Variants in FAF1 observed in about 807,000 individuals in gnomAD.
FAF1 encodes Fas associated factor 1.
Under a neutral mutation model 92.5 loss-of-function variants are expected in FAF1, and 25 were observed. The observed-to-expected ratio is 0.27, with a 90% CI of 0.20 to 0.38. The LOEUF is 0.38. Among genes scored for constraint, FAF1 ranks in the 10% least tolerant of loss-of-function variants. FAF1 has a pLI of 1.00. For missense variants in FAF1, 636 were observed against 793.3 expected, an observed-to-expected ratio of 0.80 and a Z score of 2.38; for synonymous variants, 234 against 273.2, an observed-to-expected ratio of 0.86 and a Z score of 1.42.
chr1:50,446,930 T>C (rs1170150519), intron 18 of FAF1, among the ~76,000 whole-genome samples: 2 of 143,492 alleles, frequency 1.4e-5, no homozygotes, highest in Non-Finnish European at 3.1e-5. Context: ...TATGATCACA[T>C]AGGTAAGTGG....
intron 12 of FAF1, among the ~76,000 whole-genome samples, chr1:50,581,089 A>T (rs1650969280): frequency 6.6e-6 from 1 of 152,166 alleles, no homozygotes; most frequent in African/African-American, 2.4e-5. Context: ...TTTTCCATAA[A>T]CCTATATTTA....
rs139293519 is a variant in FAF1 at position 50,771,389 on chromosome 1, A to G, written c.367+16611T>C. Among the ~76,000 whole-genome samples the G allele has an allele frequency of 9.9e-3, 1,501 of 152,328 alleles. 23 individuals carry two copies. The highest frequency in any genetic ancestry group is 0.034 in the African/African-American group (1,424 of 41,568). The stretch of plus-strand genomic sequence containing the variant: ...TATTTGCATCCAATAAAGGTCTAAT[A>G]TCCAGAATCTATAAGAAACTTAAAT... On this transcript the variant is annotated intron_variant, in intron 4 of 18. Transcript: ENST00000396153.
At chr1:50,484,405 G>A (rs1646738096) in intron 17 of FAF1, among the ~76,000 whole-genome samples, 3 of 152,060 alleles carry the variant, frequency 2.0e-5, no homozygotes, top group Non-Finnish European at 2.9e-5. Context: ...GAGAACAACG[G>A]AACACTTCAA....
At chr1:50,621,175 T>C (rs11577903) in intron 8 of FAF1, among the ~76,000 whole-genome samples, 10,953 of 151,988 alleles carry the variant, frequency 0.072, 429 homozygotes, top group African/African-American at 0.1. Context: ...CAGCTCAGGG[T>C]GGGGTTATGG....
chr1:50,492,698 G>C (rs1038989843), intron 15 of FAF1, among the ~76,000 whole-genome samples: 1 of 151,970 alleles, frequency 6.6e-6, no homozygotes, highest in African/African-American at 2.4e-5. Flanking sequence ...CTATAAAACT[G>C]GAAATTTCAT....
intron 4 of FAF1, among the ~76,000 whole-genome samples, chr1:50,764,430 T>C (rs946407868): frequency 3.3e-5 from 5 of 152,354 alleles, no homozygotes; most frequent in African/African-American, 1.2e-4. Flanking sequence ...TGTTTCCCTA[T>C]GTAGCAATCT....
At chr1:50,928,366 T>A (rs1186624382) in intron 1 of FAF1, among the ~76,000 whole-genome samples, 1 of 152,230 alleles carries the variant, frequency 6.6e-6, no homozygotes. Flanking sequence ...TATACCTTTG[T>A]TTAAAAGATT....
intron 7 of FAF1, among the ~76,000 whole-genome samples, chr1:50,656,869 C>A (rs1050850170): frequency 6.6e-6 from 1 of 151,652 alleles, no homozygotes; most frequent in Non-Finnish European, 1.5e-5. Flanking sequence ...GGCATCAGTG[C>A]GAGACTCTGT....
chr1:50,534,601 C>G (rs541557903), intron 15 of FAF1, among the ~76,000 whole-genome samples: 3 of 152,150 alleles, frequency 2.0e-5, no homozygotes, highest in Admixed American at 6.5e-5. Context: ...AAAACCCTGC[C>G]CACATCTTTA....
chr1:50,905,332 T>C (rs984935850), intron 1 of FAF1, among the ~76,000 whole-genome samples: 1 of 152,232 alleles, frequency 6.6e-6, no homozygotes, highest in African/African-American at 2.4e-5. Flanking sequence ...TTGTGAATAG[T>C]GCCGCAATAA....
intron 1 of FAF1, among the ~76,000 whole-genome samples, chr1:50,919,489 A>AT (rs753127066): frequency 0.028 from 4,017 of 143,656 alleles, 79 homozygotes; most frequent in Non-Finnish European, 0.036. Flanking sequence ...AAATAGAAGA[A>AT]TTTTTTTTTT....
intron 7 of FAF1, among the ~76,000 whole-genome samples, chr1:50,692,241 C>CTGTGTGTGTGTGTGTGTGTGTGTGTG (rs59187392): frequency 7.7e-6 from 1 of 129,082 alleles, no homozygotes; most frequent in Non-Finnish European, 1.6e-5. Context: ...GAAGTATTTA[C>CTGTGTGTGTGTGTGTGTGTGTGTGTG]TGTGTGTGTG....
At chr1:50,918,254 C>T (rs1644935916) in intron 1 of FAF1, among the ~76,000 whole-genome samples, 1 of 131,200 alleles carries the variant, frequency 7.6e-6, no homozygotes, top group African/African-American at 2.9e-5. Context: ...AGGTTAGTTA[C>T]ATATGTATAC....
intron 15 of FAF1, among the ~76,000 whole-genome samples, chr1:50,519,050 G>A (rs1038635893): frequency 2.6e-5 from 4 of 152,030 alleles, no homozygotes; most frequent in African/African-American, 7.2e-5. Context: ...TAGTTTTCAC[G>A]GCCAGGCACG....
intron 13 of FAF1, among the ~76,000 whole-genome samples, chr1:50,554,542 G>A (rs1649477425): frequency 6.6e-6 from 1 of 151,774 alleles, no homozygotes; most frequent in South Asian, 2.1e-4. Context: ...CTTGCTCTTA[G>A]CTACTAATAT....
chr1:50,849,266 CAAA>C (rs369712410), intron 2 of FAF1, among the ~76,000 whole-genome samples: 4 of 88,702 alleles, frequency 4.5e-5, no homozygotes, highest in Admixed American at 1.2e-4. Context: ...GACTCCGTCT[CAAA>C]AAAAAAAAAA....
intron 1 of FAF1, among the ~76,000 whole-genome samples, chr1:50,950,644 C>T (rs553884875): frequency 6.6e-6 from 1 of 152,346 alleles, no homozygotes; most frequent in African/African-American, 2.4e-5. Context: ...CAGGCATCAA[C>T]TCTATCATAC....
chr1:50,712,085 T>A (rs956087104), intron 6 of FAF1, among the ~76,000 whole-genome samples: 1 of 152,208 alleles, frequency 6.6e-6, no homozygotes, highest in Non-Finnish European at 1.5e-5. Flanking sequence ...ATAACACTCT[T>A]ATGATTGGAC....
chr1:50,825,573 G>A (rs996261746), intron 2 of FAF1, among the ~76,000 whole-genome samples: 1 of 151,810 alleles, frequency 6.6e-6, no homozygotes, highest in Non-Finnish European at 1.5e-5. Context: ...CATAATCATA[G>A]GGGAGATTTT....
Sources: allele counts gnomAD v4.1 joint callset (sites outside exome capture counted in the v4.1 genomes callset), GRCh38; gene constraint gnomAD v4.1.1; transcripts MANE v1.5; gene names NCBI Gene and HGNC (gene_info 2026-07-23, HGNC 2026-07-21).